SLC25A40: variants seen among roughly 807,000 people sequenced by gnomAD.
The protein encoded by SLC25A40 is solute carrier family 25 member 40, also known as mitochondrial glutathione transporter SLC25A40.
In SLC25A40, 41 loss-of-function variants were observed where a neutral mutation model predicts 46.5. The observed-to-expected ratio is 0.88, with a 90% CI of 0.69 to 1.14. The LOEUF is 1.14. SLC25A40 is among the 50% of genes most tolerant of loss of function. The pLI, the probability that SLC25A40 is intolerant of heterozygous loss-of-function variation, is 0.00. For missense variants in SLC25A40, 386 were observed against 393.6 expected, an observed-to-expected ratio of 0.98 and a Z score of 0.16; for synonymous variants, 126 against 127.5, an observed-to-expected ratio of 0.99 and a Z score of 0.08.
chr7:87,849,200 G>C (rs1280319725), intron 6 of SLC25A40, among the ~76,000 whole-genome samples: 1 of 152,124 alleles, frequency 6.6e-6, no homozygotes, highest in Non-Finnish European at 1.5e-5. Context: ...CCATATGCTT[G>C]TGTAGCAAAG....
intron 10 of SLC25A40, among the ~76,000 whole-genome samples, chr7:87,840,020 A>T (rs1387783352): frequency 6.6e-6 from 1 of 151,784 alleles, no homozygotes; most frequent in Non-Finnish European, 1.5e-5. Context: ...CTCAAATTAC[A>T]AGTGCAATTT....
chr7:87,840,986 T>C (rs1457918668), intron 10 of SLC25A40, among the ~76,000 whole-genome samples: 2 of 151,726 alleles, frequency 1.3e-5, no homozygotes, highest in African/African-American at 4.8e-5. Flanking sequence ...TTTGCTACAC[T>C]TTCTAAAGGG....
intron 9 of SLC25A40, chr7:87,842,388 T>C (rs1416255100): frequency 6.5e-6 from 1 of 152,730 alleles, no homozygotes; most frequent in East Asian, 1.9e-4. Flanking sequence ...TTCTTTTAGA[T>C]ATGTTGTTGC....
chr7:87,838,369 T>C (rs949546203), intron 10 of SLC25A40, among the ~76,000 whole-genome samples: 2 of 151,442 alleles, frequency 1.3e-5, no homozygotes, highest in Non-Finnish European at 3.0e-5. Context: ...ATTAAGAGAA[T>C]GATAAAAAGA....
chr7:87,873,519 G>A (rs139333937), intron 1 of SLC25A40, among the ~76,000 whole-genome samples: 7,225 of 143,582 alleles, frequency 0.05, 250 homozygotes, highest in East Asian at 0.099. Context: ...TGCAACCTCC[G>A]CCTTCTGGGT....
At chr7:87,846,541 A>C (rs1458063052) in intron 8 of SLC25A40, among the ~76,000 whole-genome samples, 1 of 152,192 alleles carries the variant, frequency 6.6e-6, no homozygotes. Flanking sequence ...GGAGATGTTT[A>C]TTTTTAATAA....
chr7:87,864,998 A>ATTT (rs1838767874), intron 1 of SLC25A40, among the ~76,000 whole-genome samples: 1 of 139,718 alleles, frequency 7.2e-6, no homozygotes. Context: ...TTTTTTTGAG[A>ATTT]CAAGGTCCTG....
chr7:87,837,718 A>C (rs1447111686), intron 10 of SLC25A40, among the ~76,000 whole-genome samples: 1 of 151,246 alleles, frequency 6.6e-6, no homozygotes, highest in Non-Finnish European at 1.5e-5. Flanking sequence ...TAAGATTAAA[A>C]AAAAGAATTC....
chr7:87,864,830 T>A (rs1187711347), intron 1 of SLC25A40, among the ~76,000 whole-genome samples: 1 of 152,194 alleles, frequency 6.6e-6, no homozygotes, highest in Non-Finnish European at 1.5e-5. Context: ...TAATAATAAC[T>A]TACCACTGCC....
At chr7:87,874,608 G>A (rs1838949673) in intron 1 of SLC25A40, among the ~76,000 whole-genome samples, 1 of 152,170 alleles carries the variant, frequency 6.6e-6, no homozygotes, top group South Asian at 2.1e-4. Flanking sequence ...GGGGATGAAG[G>A]AACTGGTGCA....
At chr7:87,865,761 G>C (rs1838784406) in intron 1 of SLC25A40, among the ~76,000 whole-genome samples, 1 of 151,786 alleles carries the variant, frequency 6.6e-6, no homozygotes, top group Admixed American at 6.6e-5. Flanking sequence ...GACACAGTGA[G>C]ACTCCGTCTC....
At chr7:87,861,973 T>A (rs1462685011) in intron 1 of SLC25A40, among the ~76,000 whole-genome samples, 1 of 151,988 alleles carries the variant, frequency 6.6e-6, no homozygotes, top group Non-Finnish European at 1.5e-5. Flanking sequence ...CTAATTATAA[T>A]GAGAAATGAA....
intron 2 of SLC25A40, among the ~76,000 whole-genome samples, chr7:87,859,242 C>T (rs1319124544): frequency 2.6e-5 from 4 of 151,990 alleles, no homozygotes; most frequent in Non-Finnish European, 5.9e-5. Context: ...ATCATGAGGT[C>T]GGGAGATCGA....
chr7:87,837,833 C>T (rs1046175574), intron 10 of SLC25A40, among the ~76,000 whole-genome samples: 2 of 151,368 alleles, frequency 1.3e-5, no homozygotes, highest in Admixed American at 1.3e-4. Context: ...CAATCCTATA[C>T]TGCCCTCTCT....
chr7:87,873,838 A>C (rs2131027847), intron 1 of SLC25A40, among the ~76,000 whole-genome samples: 1 of 152,324 alleles, frequency 6.6e-6, no homozygotes, highest in Admixed American at 6.5e-5. Context: ...TAATTAGATC[A>C]TGATTCTGCT....
intron 1 of SLC25A40, among the ~76,000 whole-genome samples, chr7:87,864,657 A>C (rs1838760696): frequency 6.6e-6 from 1 of 152,174 alleles, no homozygotes; most frequent in South Asian, 2.1e-4. Flanking sequence ...CACTCGCATA[A>C]ATGAAATACC....
chr7:87,866,171 C>T (rs747454658), intron 1 of SLC25A40, among the ~76,000 whole-genome samples: 43 of 152,152 alleles, frequency 2.8e-4, no homozygotes, highest in Middle Eastern at 3.4e-3. Context: ...TCTTTTCACA[C>T]GTTTTTTTCC....
chr7:87,869,386 G>A (rs1002863378), intron 1 of SLC25A40, among the ~76,000 whole-genome samples: 1 of 152,036 alleles, frequency 6.6e-6, no homozygotes, highest in Non-Finnish European at 1.5e-5. Context: ...AAATGAGCTA[G>A]GTGTAGTGGT....
intron 1 of SLC25A40, among the ~76,000 whole-genome samples, chr7:87,860,991 GT>G (rs896726060): frequency 1.3e-5 from 2 of 151,796 alleles, no homozygotes; most frequent in Non-Finnish European, 2.9e-5. Flanking sequence ...TATGACGGTT[GT>G]TTTTTTTGGG....
Sources: allele counts gnomAD v4.1 joint callset (sites outside exome capture counted in the v4.1 genomes callset), GRCh38; gene constraint gnomAD v4.1.1; transcripts MANE v1.5; gene names NCBI Gene and HGNC (gene_info 2026-07-23, HGNC 2026-07-21).